The following MALRD1 variants were observed in gnomAD, a reference collection of about 807,000 sequenced individuals.
The protein encoded by MALRD1 is MAM and LDL receptor class A domain containing 1, also known as MAM and LDL-receptor class A domain-containing protein 1.
MALRD1 carries 247 observed loss-of-function variants against 242.1 expected under a neutral mutation model. That is an observed-to-expected ratio of 1.02 (90% confidence interval 0.92 to 1.13). The LOEUF (loss-of-function observed/expected upper bound fraction) is 1.13. Ranked by LOEUF, MALRD1 falls within the 50% of genes most tolerant of loss-of-function variation. The pLI, the probability that MALRD1 is intolerant of heterozygous loss-of-function variation, is 0.00. For missense variants in MALRD1, 2,989 were observed against 2,533.1 expected (o/e 1.18, Z -3.86); for synonymous variants, 995 against 866.6 (o/e 1.15, Z -2.60).
Position 19,099,427 on chromosome 10 carries a change from T to C in MALRD1, c.598-4552T>C, listed in dbSNP as rs117125369. ...GTGGCTTGAGTGCTGACCACTTACG[T>C]CTATTCAGAGGTCATCTATCTTCTC... On this transcript the variant is annotated intron_variant, in intron 4 of 39. Transcript: ENST00000454679. Among the ~76,000 whole-genome samples, 94 of 152,216 alleles carry C rather than the reference T, an allele frequency of 6.2e-4. 4 individuals carry two copies. The East Asian group carries it at 0.016, about 26-fold the overall frequency.
intron 33 of MALRD1, among the ~76,000 whole-genome samples, chr10:19,588,714 C>G (rs544867210): frequency 1.3e-5 from 2 of 152,326 alleles, no homozygotes; most frequent in Non-Finnish European, 2.9e-5. Flanking sequence ...GCAACCTCTG[C>G]TCACTGCAAC....
At position 19,112,720 on chromosome 10, in the gene MALRD1, C is replaced by CA. The variant is rs1308528931; in HGVS notation, c.694+8649dup. ...TAACTTTAGTTGCTAGGCAGGCTAA[C>CA]AAAACTGAATATTTAGCTTTTAGCC... is the stretch of plus-strand genomic sequence containing the variant. On this transcript the variant is annotated intron_variant, in intron 5 of 39. Transcript: ENST00000454679. Among the ~76,000 whole-genome samples the CA allele has an allele frequency of 2.0e-5, 3 of 152,194 alleles. No individual in the cohort carries two copies. In the East Asian group the frequency reaches 5.8e-4, roughly 29 times the overall value.
At position 19,352,144 on chromosome 10, in the gene MALRD1, CTGTT is replaced by C. The variant is rs1844408798; in HGVS notation, c.4291_4294del (p.Phe1431ValfsTer74). On this transcript the variant is annotated frameshift_variant, in exon 26 of 40. Coordinates refer to ENST00000454679, the MANE Select transcript of MALRD1 (RefSeq NM_001142308.3). LOFTEE classifies it high-confidence loss of function. ...TTTCTGGCGGAGAGAAGAACTGTCA[CTGTT>C]TGGTGATGAAGACTTCCAACTCAAA... is the stretch of plus-strand genomic sequence containing the variant. The C allele has an allele frequency of 1.3e-6, 2 of 1,550,586 alleles. No homozygotes were observed. Among genetic ancestry groups the C allele is most frequent in the Non-Finnish European group, 1.7e-6 (2 of 1,146,938 alleles).
chr10:19,660,008 T>A (rs898159363), intron 36 of MALRD1, among the ~76,000 whole-genome samples: 1 of 152,156 alleles, frequency 6.6e-6, no homozygotes, highest in Non-Finnish European at 1.5e-5. Flanking sequence ...CTGTAAGAAC[T>A]AAATCAGACA....
At chr10:19,584,065 G>A (rs1171979079) in intron 33 of MALRD1, among the ~76,000 whole-genome samples, 3 of 150,564 alleles carry the variant, frequency 2.0e-5, no homozygotes, top group African/African-American at 7.3e-5. Context: ...GGGATCGGTG[G>A]TGATATCCCC....
intron 36 of MALRD1, among the ~76,000 whole-genome samples, chr10:19,684,399 G>A (rs867147701): frequency 3.3e-5 from 5 of 152,188 alleles, no homozygotes; most frequent in Admixed American, 6.5e-5. Flanking sequence ...TCTAAAGCAT[G>A]TAATATAAAT....
intron 22 of MALRD1, among the ~76,000 whole-genome samples, chr10:19,325,045 A>T: frequency 1.5e-5 from 2 of 130,172 alleles, no homozygotes; most frequent in Admixed American, 8.4e-5. Context: ...TAATTTTACA[A>T]TGCTGATTGC....
intron 18 of MALRD1, among the ~76,000 whole-genome samples, chr10:19,249,846 A>T: frequency 6.6e-6 from 1 of 151,888 alleles, no homozygotes; most frequent in Admixed American, 6.6e-5. Flanking sequence ...GGGTTAGTTA[A>T]GGTTTAAGTC....
chr10:19,675,305 A>C (rs1017831236), intron 36 of MALRD1, among the ~76,000 whole-genome samples: 8 of 152,176 alleles, frequency 5.3e-5, no homozygotes, highest in African/African-American at 1.9e-4. Context: ...TTACCATTTC[A>C]CTAATATTCA....
intron 24 of MALRD1, among the ~76,000 whole-genome samples, chr10:19,344,512 A>G (rs1486581913): frequency 6.6e-6 from 1 of 152,008 alleles, no homozygotes; most frequent in African/African-American, 2.4e-5. Context: ...CTAGGTATCT[A>G]TTCCTCCACC....
chr10:19,048,971 C>T lies in MALRD1; in HGVS notation c.33C>T (p.Phe11=). The change falls in exon 1 of 40, where the codon TTC becomes TTT. Residue 11 remains phenylalanine, a synonymous_variant. Coordinates refer to ENST00000454679, the MANE Select transcript of MALRD1 (RefSeq NM_001142308.3). The part of the protein sequence containing the change: MLFFLDRMLA[F]PMNETFCCLW... ...TCTTCCTGGACAGAATGTTGGCATT[C>T]CCCATGAATGAAACTTTTTGTTGCC... The T allele has an allele frequency of 1.6e-6, 2 of 1,233,900 alleles. No homozygotes were observed. Among genetic ancestry groups the T allele is most frequent in the Non-Finnish European group, 2.0e-6 (2 of 988,144 alleles). The allele number at this position is 1,233,900 out of a possible 1,614,324, so 76.4% of individuals were successfully genotyped here.
chr10:19,131,253 G>A (rs75717231), intron 8 of MALRD1, among the ~76,000 whole-genome samples: 8,297 of 152,110 alleles, frequency 0.055, 236 homozygotes, highest in South Asian at 0.12. Context: ...TTTGTGTTGT[G>A]AATATCTATT....
At chr10:19,360,330 T>A (rs1322771284) in intron 26 of MALRD1, among the ~76,000 whole-genome samples, 1 of 152,210 alleles carries the variant, frequency 6.6e-6, no homozygotes, top group Non-Finnish European at 1.5e-5. Context: ...GCTACCTAGG[T>A]CTATTTAAAA....
chr10:19,526,356 C>CAAA (rs34959840), intron 31 of MALRD1, among the ~76,000 whole-genome samples: 2 of 146,692 alleles, frequency 1.4e-5, no homozygotes, highest in Admixed American at 6.8e-5. Flanking sequence ...TATGATTCTC[C>CAAA]AAAAAAAAAA....
intron 12 of MALRD1, among the ~76,000 whole-genome samples, chr10:19,159,314 A>T (rs868642130): frequency 6.6e-6 from 1 of 151,990 alleles, no homozygotes; most frequent in African/African-American, 2.4e-5. Flanking sequence ...GGAGCTATAG[A>T]TATCTTAGCT....
At chr10:19,123,284 G>A (rs1837130928) in intron 5 of MALRD1, among the ~76,000 whole-genome samples, 1 of 150,218 alleles carries the variant, frequency 6.7e-6, no homozygotes, top group Non-Finnish European at 1.5e-5. Flanking sequence ...GTTTTTCTCT[G>A]TCTCTATTTG....
intron 26 of MALRD1, among the ~76,000 whole-genome samples, chr10:19,379,300 G>A (rs1845738170): frequency 6.6e-6 from 1 of 151,846 alleles, no homozygotes; most frequent in African/African-American, 2.4e-5. Flanking sequence ...TGTCTTTAAT[G>A]GATATTTCCT....
chr10:19,318,974 T>TACACACAC (rs5783665), intron 21 of MALRD1, among the ~76,000 whole-genome samples: 11 of 149,052 alleles, frequency 7.4e-5, no homozygotes, highest in South Asian at 4.3e-4. Context: ...TACACAGACA[T>TACACACAC]ACACACACAC....
At chr10:19,426,039 T>C (rs748311686) in intron 28 of MALRD1, among the ~76,000 whole-genome samples, 38 of 152,302 alleles carry the variant, frequency 2.5e-4, no homozygotes, top group Admixed American at 1.4e-3. Context: ...GTTTAAACAA[T>C]TATTATTTAT....
Sources: gnomAD v4.1 joint callset for allele counts (sites outside exome capture counted in the v4.1 genomes callset) on GRCh38, gnomAD v4.1.1 for gene constraint, MANE v1.5 for transcripts, NCBI Gene and HGNC (gene_info 2026-07-23, HGNC 2026-07-21) for gene names.